The following PM20D2 variants were observed in gnomAD, a reference collection of about 807,000 sequenced individuals.
PM20D2 encodes the protein xaa-Arg dipeptidase.
PM20D2 carries 33 observed loss-of-function variants against 42.9 expected under a neutral mutation model. The observed-to-expected ratio is 0.77, with a 90% CI of 0.58 to 1.03. The LOEUF is 1.03. Ranked by LOEUF, PM20D2 falls within the 50% of genes least tolerant of loss-of-function variation. The pLI, the probability that PM20D2 is intolerant of heterozygous loss-of-function variation, is 0.00. For missense variants in PM20D2, 548 were observed against 557.0 expected (o/e 0.98, Z 0.16); for synonymous variants, 250 against 228.2 (o/e 1.10, Z -0.86).
At chr6:89,110,759 A>G in the PM20D2 span, among the ~76,000 whole-genome samples, 1 of 152,034 alleles carries the variant, frequency 6.6e-6, no homozygotes, top group Non-Finnish European at 1.5e-5. Context: ...TGCCTACCTT[A>G]GCTTCACTAC....
At chr6:89,152,552 T>C (rs1009670978) in intron 2 of PM20D2, among the ~76,000 whole-genome samples, 1 of 152,330 alleles carries the variant, frequency 6.6e-6, no homozygotes, top group African/African-American at 2.4e-5. Flanking sequence ...GCTTTAATAC[T>C]AGGGTATCTT....
At chr6:89,134,036 G>C in the PM20D2 span, among the ~76,000 whole-genome samples, 2 of 151,282 alleles carry the variant, frequency 1.3e-5, no homozygotes, top group African/African-American at 4.9e-5. Context: ...CAGGTATTTT[G>C]CCTGTCAGTC....
upstream of PM20D2, among the ~76,000 whole-genome samples, chr6:89,143,858 A>G (rs971246291): frequency 2.6e-5 from 4 of 152,244 alleles, no homozygotes; most frequent in East Asian, 1.9e-4. Context: ...AACAATGTCT[A>G]TTGGTAGTCA....
At chr6:89,100,618 C>A in the PM20D2 span, among the ~76,000 whole-genome samples, 1 of 149,762 alleles carries the variant, frequency 6.7e-6, no homozygotes, top group Admixed American at 6.6e-5. Flanking sequence ...CATCATCAAA[C>A]AGGAATTTAA....
the PM20D2 span, among the ~76,000 whole-genome samples, chr6:89,132,301 C>T: frequency 6.9e-6 from 1 of 144,934 alleles, no homozygotes; most frequent in African/African-American, 2.9e-5. Context: ...TCCCTCCACT[C>T]AAACTTCCTG....
chr6:89,157,344 G>A lies in PM20D2; in HGVS notation c.913-981G>A, dbSNP rs1771083371. Reference sequence around the variant, plus strand: ...AGATGTTGCTAAGAATAAAAGAAATGTCATCTCTGCCATTTTATGATTGGC... The same window carrying A: ...AGATGTTGCTAAGAATAAAAGAAATATCATCTCTGCCATTTTATGATTGGC... On this transcript the variant is annotated intron_variant, in intron 4 of 6. Transcript: ENST00000275072. Among the ~76,000 whole-genome samples the A allele has an allele frequency of 2.6e-5, 4 of 152,320 alleles. No individual in the cohort carries two copies. The South Asian group carries it at 8.3e-4, about 32-fold the overall frequency.
At chr6:89,110,780 G>A in the PM20D2 span, among the ~76,000 whole-genome samples, 1 of 152,006 alleles carries the variant, frequency 6.6e-6, no homozygotes, top group Non-Finnish European at 1.5e-5. Flanking sequence ...ATGTTCTTCA[G>A]AGTGGCCCAA....
chr6:89,136,786 TTTTGA>T, the PM20D2 span, among the ~76,000 whole-genome samples: 1 of 150,252 alleles, frequency 6.7e-6, no homozygotes, highest in African/African-American at 2.5e-5. Context: ...TAAATTTCTG[TTTTGA>T]TGAACTCTAT....
chr6:89,116,790 A>T, the PM20D2 span, among the ~76,000 whole-genome samples: 1 of 147,798 alleles, frequency 6.8e-6, no homozygotes, highest in Non-Finnish European at 1.5e-5. Context: ...AAAAAAAAAA[A>T]CTAAAAAATA....
At chr6:89,110,825 C>T in the PM20D2 span, among the ~76,000 whole-genome samples, 2 of 152,078 alleles carry the variant, frequency 1.3e-5, no homozygotes, top group Non-Finnish European at 2.9e-5. Context: ...TGTTAGAATT[C>T]CCACTGTTGC....
chr6:89,131,542 ATAAT>A, the PM20D2 span, among the ~76,000 whole-genome samples: 266 of 152,110 alleles, frequency 1.7e-3, 1 homozygote, highest in African/African-American at 6.1e-3. Flanking sequence ...TAATTAAAAA[ATAAT>A]TAATTGAACC....
At chr6:89,098,792 G>A in the PM20D2 span, 1 of 1,613,860 alleles carries the variant, frequency 6.2e-7, no homozygotes, top group Admixed American at 1.7e-5. Context: ...TTTTCCTATT[G>A]ACTTGGACCT....
upstream of PM20D2, among the ~76,000 whole-genome samples, chr6:89,144,368 T>G (rs1187849775): frequency 2.0e-5 from 3 of 152,132 alleles, no homozygotes; most frequent in Admixed American, 2.0e-4. Context: ...GCAGGCAGAG[T>G]TGCTGCAGTA....
At chr6:89,098,237 T>C in the PM20D2 span, 1 of 165,776 alleles carries the variant, frequency 6.0e-6, no homozygotes, top group Non-Finnish European at 1.3e-5. Context: ...CAAAAATATT[T>C]GTGTAAAAGG....
chr6:89,133,617 A>C, the PM20D2 span, among the ~76,000 whole-genome samples: 5 of 151,174 alleles, frequency 3.3e-5, no homozygotes, highest in African/African-American at 4.9e-5. Flanking sequence ...GGTCAAAGAC[A>C]TGTAAAGAGA....
chr6:89,145,890 C>T (rs1325815274), upstream of PM20D2, among the ~76,000 whole-genome samples: 7 of 152,352 alleles, frequency 4.6e-5, no homozygotes, highest in Admixed American at 4.6e-4. Flanking sequence ...GGAAGAGTCC[C>T]GAGCCCTGCC....
the PM20D2 span, among the ~76,000 whole-genome samples, chr6:89,116,611 C>T: frequency 6.6e-6 from 1 of 152,056 alleles, no homozygotes; most frequent in South Asian, 2.1e-4. Flanking sequence ...CTCATCTCTA[C>T]TAAAAATATA....
intron 3 of PM20D2, among the ~76,000 whole-genome samples, chr6:89,154,522 A>C (rs181046266): frequency 1.3e-5 from 2 of 152,202 alleles, no homozygotes; most frequent in African/African-American, 2.4e-5. Context: ...TTCTGAATGA[A>C]GTGCATATGG....
At chr6:89,133,648 G>T in the PM20D2 span, among the ~76,000 whole-genome samples, 1 of 151,110 alleles carries the variant, frequency 6.6e-6, no homozygotes, top group Non-Finnish European at 1.5e-5. Flanking sequence ...GAGATACCCG[G>T]AATGGCCCCT....
Sources: allele counts gnomAD v4.1 joint callset (sites outside exome capture counted in the v4.1 genomes callset), GRCh38; gene constraint gnomAD v4.1.1; transcripts MANE v1.5; gene names NCBI Gene and HGNC (gene_info 2026-07-23, HGNC 2026-07-21).